The following CNRIP1 variants were observed in gnomAD, a reference collection of about 807,000 sequenced individuals.
CNRIP1 encodes cannabinoid receptor interacting protein 1, also known as CB1 cannabinoid receptor-interacting protein 1.
In CNRIP1, 10 loss-of-function variants were observed where a neutral mutation model predicts 15.2. That is an observed-to-expected ratio of 0.66 (90% CI 0.41 to 1.12). The LOEUF (loss-of-function observed/expected upper bound fraction) is 1.12. Ranked by LOEUF, CNRIP1 falls within the 50% of genes most tolerant of loss-of-function variation. The pLI is 0.00. For missense variants in CNRIP1, 211 were observed against 214.7 expected, an observed-to-expected ratio of 0.98 and a Z score of 0.11; for synonymous variants, 91 against 83.2, an observed-to-expected ratio of 1.09 and a Z score of -0.51.
chr2:68,285,234 G>A (rs1042749809), intron 2 of CNRIP1, among the ~76,000 whole-genome samples: 1 of 85,658 alleles, frequency 1.2e-5, no homozygotes, highest in Non-Finnish European at 2.1e-5. Context: ...CCTCCCAAAT[G>A]CTCATTATTG....
At chr2:68,297,439 G>A (rs902809674) in intron 2 of CNRIP1, among the ~76,000 whole-genome samples, 1 of 151,954 alleles carries the variant, frequency 6.6e-6, no homozygotes, top group Admixed American at 6.6e-5. Flanking sequence ...ATGGGAGTGT[G>A]TGTCTGTAGT....
In CNRIP1 at chr2:68,319,266, G is replaced by A; in HGVS notation, c.135C>T (p.Ser45=). 3 of 1,550,450 alleles carry A rather than the reference G, an allele frequency of 1.9e-6. No individual in the cohort carries two copies. In the South Asian group the frequency reaches 3.6e-5, roughly 18 times the overall value. ...NRTIKLLTGS[S]YKVEVKIKPS... ...GTTTAATCTTCACCTCAACCTTGTA[G>A]GAGGAGCCGGTGAGCAGCTTGATGG... Residue 45 remains serine, a synonymous_variant, in exon 1 of 3, where the codon TCC becomes TCT. Transcript: ENST00000263655.
At position 68,284,405 on chromosome 2, in the gene CNRIP1, A is replaced by G. The variant is rs1044263389; in HGVS notation, c.*23T>C. 16 of 1,452,352 alleles carry G rather than the reference A, an allele frequency of 1.1e-5. No individual in the cohort carries two copies. The Admixed American group carries it at 4.0e-4, about 37-fold the overall frequency. 90.0% of individuals were successfully genotyped at this position (1,452,352 alleles called of 1,614,324 possible). On this transcript the variant is annotated 3_prime_UTR_variant, in exon 3 of 3. Transcript: ENST00000409559. ...AAAAAAAGAACATTTGTTCCTCATG[A>G]TGGCACACATTGAAGAATGTGCTTA...
At chr2:68,306,070 G>A (rs1240995486) in intron 2 of CNRIP1, among the ~76,000 whole-genome samples, 1 of 131,758 alleles carries the variant, frequency 7.6e-6, no homozygotes, top group Non-Finnish European at 1.5e-5. Flanking sequence ...AGGCTGCAGT[G>A]AGCTAGAATC....
intron 2 of CNRIP1, among the ~76,000 whole-genome samples, chr2:68,305,623 G>A (rs944303989): frequency 4.6e-5 from 7 of 150,926 alleles, no homozygotes; most frequent in Admixed American, 2.0e-4. Flanking sequence ...GTGAAACCCC[G>A]TCTCTACTAA....
chr2:68,301,142 AT>A (rs1671591135), intron 2 of CNRIP1, among the ~76,000 whole-genome samples: 1 of 152,220 alleles, frequency 6.6e-6, no homozygotes. Flanking sequence ...TTTGTTTATA[AT>A]TTTTATTTGC....
chr2:68,286,803 T>C (rs1400106486), intron 2 of CNRIP1, among the ~76,000 whole-genome samples: 2 of 152,168 alleles, frequency 1.3e-5, no homozygotes, highest in African/African-American at 4.8e-5. Context: ...TTTCATTCTG[T>C]CTCCTCTGCT....
At chr2:68,312,009 C>G (rs1446886104) in intron 2 of CNRIP1, among the ~76,000 whole-genome samples, 1 of 152,048 alleles carries the variant, frequency 6.6e-6, no homozygotes, top group Non-Finnish European at 1.5e-5. Flanking sequence ...AAAAAATCTT[C>G]AAATAAAGTA....
At chr2:68,294,516 C>G (rs10176505) in intron 2 of CNRIP1, among the ~76,000 whole-genome samples, 9,572 of 152,110 alleles carry the variant, frequency 0.063, 399 homozygotes, top group African/African-American at 0.11. Context: ...GTTCATCCCC[C>G]AAATGGTCCC....
chr2:68,314,638 G>C, intron 2 of CNRIP1, among the ~76,000 whole-genome samples: 1 of 152,070 alleles, frequency 6.6e-6, no homozygotes, highest in South Asian at 2.1e-4. Flanking sequence ...AAGGTGGTCA[G>C]TTACAAAGTA....
chr2:68,317,141 C>T lies in CNRIP1; in HGVS notation c.330+16G>A, dbSNP rs571303176. 8 of 1,614,142 alleles carry T rather than the reference C, an allele frequency of 5.0e-6. No individual in the cohort carries two copies. Among genetic ancestry groups the T allele is most frequent in the East Asian group, 4.5e-5 (2 of 44,884 alleles). ...TTCCATGGCACCATACTCCTATACC[C>T]GCAAGCAAGCCTTACCGGCATGGTG... On this transcript the variant is annotated intron_variant, in intron 2 of 2. Coordinates refer to ENST00000263655, the MANE Select transcript of CNRIP1 (RefSeq NM_015463.3).
At chr2:68,307,609 A>T (rs141487670) in intron 2 of CNRIP1, among the ~76,000 whole-genome samples, 1 of 152,316 alleles carries the variant, frequency 6.6e-6, no homozygotes, top group Non-Finnish European at 1.5e-5. Flanking sequence ...TATAGGTGTG[A>T]GCCACTGTGC....
intron 2 of CNRIP1, among the ~76,000 whole-genome samples, chr2:68,286,112 T>C (rs1258869194): frequency 6.6e-6 from 1 of 152,218 alleles, no homozygotes; most frequent in African/African-American, 2.4e-5. Context: ...AAGCAGTAGC[T>C]ATCTAGCCCA....
At chr2:68,300,206 A>T (rs1001602089) in intron 2 of CNRIP1, among the ~76,000 whole-genome samples, 1 of 152,198 alleles carries the variant, frequency 6.6e-6, no homozygotes, top group African/African-American at 2.4e-5. Context: ...GATTGTGCCC[A>T]TGTTATATTC....
intron 2 of CNRIP1, among the ~76,000 whole-genome samples, chr2:68,306,569 T>A (rs1434212902): frequency 6.6e-6 from 1 of 152,032 alleles, no homozygotes; most frequent in Non-Finnish European, 1.5e-5. Context: ...TCACCTGAGG[T>A]CAGGAGTTTG....
chr2:68,297,955 C>A (rs1023132378), intron 2 of CNRIP1, among the ~76,000 whole-genome samples: 5 of 151,986 alleles, frequency 3.3e-5, no homozygotes, highest in Admixed American at 3.3e-4. Flanking sequence ...ATTTTTCTAT[C>A]CTTACTCAGA....
In CNRIP1 at chr2:68,305,528, G is replaced by A. The variant is rs530972487; in HGVS notation, c.331-11502C>T. ...AACTGGAAGTAGGCCGGGGGCGGTG[G>A]CTCACGCCTGTAATCCCAGCACTTT... is the stretch of plus-strand genomic sequence containing the variant. On this transcript the variant is annotated intron_variant, in intron 2 of 2. Coordinates refer to ENST00000263655, the MANE Select transcript of CNRIP1 (RefSeq NM_015463.3). Among the ~76,000 whole-genome samples the A allele has an allele frequency of 5.1e-4, 77 of 151,984 alleles. No individual in the cohort carries two copies. In the South Asian group the frequency reaches 8.9e-3, roughly 18 times the overall value.
At chr2:68,296,398 G>A (rs1401990125) in intron 2 of CNRIP1, among the ~76,000 whole-genome samples, 1 of 152,052 alleles carries the variant, frequency 6.6e-6, no homozygotes, top group Non-Finnish European at 1.5e-5. Flanking sequence ...TACAAAAAAT[G>A]TTTGAAAATT....
chr2:68,306,850 T>G (rs369293822), intron 2 of CNRIP1, among the ~76,000 whole-genome samples: 29 of 152,042 alleles, frequency 1.9e-4, no homozygotes, highest in African/African-American at 6.5e-4. Flanking sequence ...GAAAGTCAGA[T>G]TCTCGAATAC....
Sources: gnomAD v4.1 joint callset for allele counts (sites outside exome capture counted in the v4.1 genomes callset) on GRCh38, gnomAD v4.1.1 for gene constraint, MANE v1.5 for transcripts, NCBI Gene and HGNC (gene_info 2026-07-23, HGNC 2026-07-21) for gene names.